Variants in TIMM23 observed in about 807,000 individuals in gnomAD.
TIMM23 encodes the protein mitochondrial import inner membrane translocase subunit Tim23.
Under a neutral mutation model 30.7 loss-of-function variants are expected in TIMM23, and 19 were observed. That is an observed-to-expected ratio of 0.62 (90% CI 0.43 to 0.91). The LOEUF (loss-of-function observed/expected upper bound fraction) is 0.91, where lower values mean the gene tolerates loss of function less well. Ranked by LOEUF, TIMM23 falls within the 40% of genes least tolerant of loss-of-function variation. The pLI, the probability that TIMM23 is intolerant of heterozygous loss-of-function variation, is 0.00. For synonymous variants in TIMM23, 78 were observed against 98.5 expected, an observed-to-expected ratio of 0.79 and a Z score of 1.23; for missense variants, 202 against 269.2, an observed-to-expected ratio of 0.75 and a Z score of 1.75.
intron 5 of TIMM23, 39 bp downstream of exon 5, chr10:45,985,480 A>G: frequency 1.2e-6 from 2 of 1,607,592 alleles, no homozygotes; most frequent in Non-Finnish European, 1.7e-6. Flanking sequence ...TTGTTAAAGA[A>G]AGAATGCACA....
intron 6 of TIMM23, among the ~76,000 whole-genome samples, chr10:45,998,142 A>T (rs1838404370): frequency 6.6e-6 from 1 of 152,168 alleles, no homozygotes; most frequent in South Asian, 2.1e-4. Context: ...ATGGTTATAT[A>T]AGTACCTACA....
chr10:45,981,755 A>G (rs1434264251), intron 2 of TIMM23, among the ~76,000 whole-genome samples: 1 of 152,242 alleles, frequency 6.6e-6, no homozygotes, highest in Non-Finnish European at 1.5e-5. Context: ...TATTTTAACC[A>G]TCTTTGGTTG....
chr10:45,992,438 A>ATAT (rs1338328388), intron 6 of TIMM23: 1 of 455,894 alleles, frequency 2.2e-6, no homozygotes, highest in East Asian at 6.9e-5. Flanking sequence ...TAACATCTCA[A>ATAT]TATGCGTAGA....
At chr10:45,986,609 G>A (rs1837996718) in intron 5 of TIMM23, among the ~76,000 whole-genome samples, 2 of 152,180 alleles carry the variant, frequency 1.3e-5, no homozygotes, top group Admixed American at 6.5e-5. Flanking sequence ...GCGGTGTATT[G>A]TTGCAAGGGG....
At chr10:45,993,259 TTTG>T (rs1166133417) in intron 6 of TIMM23, among the ~76,000 whole-genome samples, 1 of 145,768 alleles carries the variant, frequency 6.9e-6, no homozygotes, top group African/African-American at 2.6e-5. Flanking sequence ...TTTTTTTTTT[TTTG>T]GAGACTGAGT....
chr10:45,987,615 A>ATT (rs781826848), intron 5 of TIMM23, among the ~76,000 whole-genome samples: 82 of 79,132 alleles, frequency 1.0e-3, no homozygotes, highest in Non-Finnish European at 1.5e-3. Flanking sequence ...TATTATAAAG[A>ATT]TTTTTTTTTT....
In TIMM23 at chr10:46,003,363, A is replaced by T; in HGVS notation, c.*45A>T. The T allele has an allele frequency of 7.6e-7, 1 of 1,316,310 alleles. No individual in the cohort carries two copies. Among genetic ancestry groups the T allele is most frequent in the Non-Finnish European group, 1.1e-6 (1 of 915,772 alleles). The allele number at this position is 1,316,310 out of a possible 1,614,324, so 81.5% of individuals were successfully genotyped here. A position where few individuals can be genotyped will look rare whatever the true frequency, so the allele number is the denominator to read the frequency against. ...ATGGAGGACACTTCAGTAGTCATCT[A>T]GATCCTTTTATAAGACAGTTTGGAG... On this transcript the variant is annotated 3_prime_UTR_variant, in exon 7 of 7. Transcript: ENST00000580018.
At chr10:45,978,086 C>T (rs1158776794) in intron 2 of TIMM23, among the ~76,000 whole-genome samples, 1 of 151,990 alleles carries the variant, frequency 6.6e-6, no homozygotes, top group African/African-American at 2.4e-5. Flanking sequence ...CGCAGTGGCT[C>T]GTGCCTATAC....
chr10:45,975,200 G>C (rs1837630760), intron 1 of TIMM23, among the ~76,000 whole-genome samples: 1 of 152,196 alleles, frequency 6.6e-6, no homozygotes, highest in South Asian at 2.1e-4. Context: ...TCAAAAATCA[G>C]ATCTATGACA....
At chr10:45,987,461 T>C (rs1467781947) in intron 5 of TIMM23, among the ~76,000 whole-genome samples, 1 of 152,164 alleles carries the variant, frequency 6.6e-6, no homozygotes, top group African/African-American at 2.4e-5. Flanking sequence ...CTTCTGATGC[T>C]GATAGCAAGC....
chr10:45,972,890 C>T (rs1342178005), intron 1 of TIMM23, among the ~76,000 whole-genome samples, 160 bp downstream of exon 1: 2 of 151,712 alleles, frequency 1.3e-5, no homozygotes, highest in Non-Finnish European at 2.9e-5. Context: ...GCTGCTCTTT[C>T]AAGATAGAAA....
At chr10:45,999,674 T>G (rs1402217546) in intron 6 of TIMM23, among the ~76,000 whole-genome samples, 11 of 152,118 alleles carry the variant, frequency 7.2e-5, no homozygotes, top group African/African-American at 2.7e-4. Flanking sequence ...CTAATGAAGT[T>G]TCGGGCACCA....
chr10:45,991,034 A>G (rs1391811806), intron 6 of TIMM23, among the ~76,000 whole-genome samples: 4,238 of 152,282 alleles, frequency 0.028, 177 homozygotes, highest in African/African-American at 0.095. Flanking sequence ...ATCAAACTCT[A>G]GTCTGAGTCC....
intron 6 of TIMM23, among the ~76,000 whole-genome samples, chr10:45,998,083 G>T (rs936115857): frequency 1.3e-5 from 2 of 152,148 alleles, no homozygotes; most frequent in African/African-American, 4.8e-5. Flanking sequence ...CTGTTTATTT[G>T]CTGTGAGAAG....
intron 6 of TIMM23, chr10:45,992,801 C>G (rs1317714919): frequency 1.5e-5 from 5 of 332,990 alleles, no homozygotes; most frequent in Non-Finnish European, 2.9e-5. Context: ...CATGATCCGC[C>G]CACCTCAGCC....
intron 4 of TIMM23, 57 bp from the exon 5 acceptor site, chr10:45,985,326 G>T: frequency 6.2e-7 from 1 of 1,610,430 alleles, no homozygotes; most frequent in Non-Finnish European, 8.5e-7. Context: ...TGTTTTTAAA[G>T]GTTACTAGAG....
intron 6 of TIMM23, among the ~76,000 whole-genome samples, chr10:45,998,092 A>C (rs1352533725): frequency 6.6e-6 from 1 of 152,166 alleles, no homozygotes; most frequent in Non-Finnish European, 1.5e-5. Context: ...TGCTGTGAGA[A>C]GGCTAAGAAT....
intron 6 of TIMM23, among the ~76,000 whole-genome samples, chr10:45,998,057 CCTG>C (rs1838401105): frequency 1.3e-5 from 2 of 152,138 alleles, no homozygotes; most frequent in Non-Finnish European, 2.9e-5. Context: ...GCCACCAACT[CCTG>C]CTGGCCAGCT....
Position 45,973,438 on chromosome 10 carries a change from C to T in TIMM23, c.106+708C>T, listed in dbSNP as rs1176795395. Among the ~76,000 whole-genome samples the T allele has an allele frequency of 2.3e-3, 344 of 152,220 alleles. 2 individuals are homozygous for T. The highest frequency in any genetic ancestry group is 7.9e-3 in the African/African-American group (329 of 41,530). The stretch of plus-strand genomic sequence containing the variant: ...AATACAACTTGGACCTAAAGATAGG[C>T]AGTTGGTCGTGGATAAAGCCTTTAC... On this transcript the variant is annotated intron_variant, in intron 1 of 6. Coordinates refer to ENST00000580018, the MANE Select transcript of TIMM23 (RefSeq NM_006327.4).
Sources: allele counts gnomAD v4.1 joint callset (sites outside exome capture counted in the v4.1 genomes callset), GRCh38; gene constraint gnomAD v4.1.1; transcripts MANE v1.5; gene names NCBI Gene and HGNC (gene_info 2026-07-23, HGNC 2026-07-21).